EXOC4: variants seen among roughly 807,000 people sequenced by gnomAD.
The protein encoded by EXOC4 is exocyst complex component 4.
In EXOC4, 71 loss-of-function variants were observed where a neutral mutation model predicts 107.2. That is an observed-to-expected ratio of 0.66 (90% CI 0.55 to 0.81). The LOEUF (loss-of-function observed/expected upper bound fraction) is 0.81, where lower values mean the gene tolerates loss of function less well. EXOC4 is among the 30% of genes least tolerant of loss of function. The pLI is 0.00. For missense variants in EXOC4, 1,108 were observed against 1,189.6 expected, an observed-to-expected ratio of 0.93 and a Z score of 1.01; for synonymous variants, 456 against 441.2, an observed-to-expected ratio of 1.03 and a Z score of -0.42.
chr7:133,512,318 T>A (rs1347106882), intron 9 of EXOC4, among the ~76,000 whole-genome samples: 1 of 151,972 alleles, frequency 6.6e-6, no homozygotes, highest in Non-Finnish European at 1.5e-5. Flanking sequence ...TAATCCCAGC[T>A]GCTCGGGAAC....
intron 11 of EXOC4, among the ~76,000 whole-genome samples, chr7:133,871,823 G>A (rs1798757414): frequency 6.6e-6 from 1 of 152,130 alleles, no homozygotes; most frequent in African/African-American, 2.4e-5. Flanking sequence ...TCTGTAAAGT[G>A]GAGATAATAA....
intron 10 of EXOC4, among the ~76,000 whole-genome samples, chr7:133,652,955 A>G (rs910543837): frequency 5.3e-5 from 8 of 152,190 alleles, no homozygotes; most frequent in African/African-American, 1.9e-4. Context: ...AATCTTTAGG[A>G]CATAGGAATT....
chr7:133,273,758 C>G (rs1429429933), intron 1 of EXOC4, among the ~76,000 whole-genome samples: 1 of 152,114 alleles, frequency 6.6e-6, no homozygotes, highest in East Asian at 1.9e-4. Context: ...TTGCAAATAT[C>G]TAGAAGTGGA....
Position 133,895,731 on chromosome 7 carries a change from T to C in EXOC4, c.1867T>C (p.Tyr623His). The C allele has an allele frequency of 6.2e-7, 1 of 1,613,706 alleles. No individual in the cohort carries two copies. The highest frequency in any genetic ancestry group is 8.5e-7 in the Non-Finnish European group (1 of 1,179,790). ...GTACAAGGACACCTGCACTGCAGCT[T>C]ACAGGTAGAGCTTCTGTTAGGGGCT... ...QEYKDTCTAA[Y>H]RGIVQSEEKL... The change falls in exon 12 of 18, where the codon TAC (tyrosine) becomes CAC (histidine). Residue 623 changes from tyrosine (Y) to histidine (H), a missense_variant. Coordinates refer to ENST00000253861, the MANE Select transcript of EXOC4 (RefSeq NM_021807.4).
chr7:133,432,816 A>G (rs535450375), intron 7 of EXOC4, among the ~76,000 whole-genome samples: 7 of 152,320 alleles, frequency 4.6e-5, no homozygotes, highest in Admixed American at 1.3e-4. Context: ...TCTGCTGTCT[A>G]GCAGGCTATT....
rs115389530 is a variant in EXOC4, at chr7:133,908,609, A to T, written c.1872-8974A>T. ...CCTTCTGTGCCTCTGTATTTCGCCT[A>T]TCAAATGGAAGTAATAATAGTACCT... On this transcript the variant is annotated intron_variant, in intron 12 of 17. Coordinates refer to ENST00000253861, the MANE Select transcript of EXOC4 (RefSeq NM_021807.4). 5.1e-3 allele frequency among the ~76,000 whole-genome samples: 781 copies of T among 152,322 alleles called. 6 individuals are homozygous for T. The highest frequency in any genetic ancestry group is 0.018 in the African/African-American group (744 of 41,592).
At chr7:133,538,180 G>A (rs1318886923) in intron 9 of EXOC4, among the ~76,000 whole-genome samples, 1 of 152,094 alleles carries the variant, frequency 6.6e-6, no homozygotes, top group Non-Finnish European at 1.5e-5. Flanking sequence ...TTTCACTATG[G>A]TACAAGAATT....
chr7:133,786,288 G>A (rs892526150), intron 10 of EXOC4, among the ~76,000 whole-genome samples: 1 of 152,074 alleles, frequency 6.6e-6, no homozygotes. Flanking sequence ...CCCAGTTATC[G>A]CTAACTCCCA....
intron 10 of EXOC4, among the ~76,000 whole-genome samples, chr7:133,728,382 G>T (rs1304281993): frequency 6.6e-6 from 1 of 152,194 alleles, no homozygotes; most frequent in Admixed American, 6.5e-5. Flanking sequence ...TATTGATGTT[G>T]TCACATAATG....
At chr7:133,259,145 C>T (rs1453246284) in intron 1 of EXOC4, among the ~76,000 whole-genome samples, 1 of 151,194 alleles carries the variant, frequency 6.6e-6, no homozygotes, top group Non-Finnish European at 1.5e-5. Context: ...TATTGCTATA[C>T]AGTGTTCATA....
the EXOC4 span, among the ~76,000 whole-genome samples, chr7:134,088,863 T>G: frequency 6.6e-6 from 1 of 152,158 alleles, no homozygotes; most frequent in African/African-American, 2.4e-5. Context: ...ACAATAAGTT[T>G]TATTATATTT....
intron 3 of EXOC4, among the ~76,000 whole-genome samples, chr7:133,295,091 A>C (rs1020497287): frequency 6.6e-6 from 1 of 152,084 alleles, no homozygotes; most frequent in African/African-American, 2.4e-5. Flanking sequence ...TATTGTAGGA[A>C]ATGATATGAT....
At chr7:133,462,652 A>G (rs1323991692) in intron 7 of EXOC4, among the ~76,000 whole-genome samples, 3 of 152,132 alleles carry the variant, frequency 2.0e-5, no homozygotes, top group Non-Finnish European at 4.4e-5. Flanking sequence ...CACTTTCTTG[A>G]TCTCATACCC....
At chr7:134,001,718 G>T (rs1265300815) in intron 15 of EXOC4, among the ~76,000 whole-genome samples, 1 of 152,056 alleles carries the variant, frequency 6.6e-6, no homozygotes, top group Non-Finnish European at 1.5e-5. Context: ...TCCCCCTAAG[G>T]ATCCCTATGG....
chr7:133,322,327 C>T (rs779024163), intron 5 of EXOC4, among the ~76,000 whole-genome samples: 15 of 152,142 alleles, frequency 9.9e-5, no homozygotes, highest in African/African-American at 1.4e-4. Flanking sequence ...CCCAGGTTTT[C>T]TTCTAGGGTT....
chr7:133,695,334 A>G (rs576690730), intron 10 of EXOC4, among the ~76,000 whole-genome samples: 3 of 152,262 alleles, frequency 2.0e-5, no homozygotes, highest in East Asian at 1.9e-4. Context: ...TGATATTTCA[A>G]TGTGTGCATG....
At chr7:133,284,163 A>G (rs573656101) in intron 2 of EXOC4, among the ~76,000 whole-genome samples, 1 of 152,288 alleles carries the variant, frequency 6.6e-6, no homozygotes, top group African/African-American at 2.4e-5. Context: ...CAAAAGTGAG[A>G]AGTGAGCTGA....
the EXOC4 span, among the ~76,000 whole-genome samples, chr7:134,096,231 GT>G: frequency 6.6e-6 from 1 of 152,154 alleles, no homozygotes; most frequent in African/African-American, 2.4e-5. Context: ...AGCACAATGA[GT>G]TTTAATAAAA....
intron 5 of EXOC4, among the ~76,000 whole-genome samples, chr7:133,351,565 C>T (rs1043399915): frequency 8.6e-5 from 13 of 151,718 alleles, no homozygotes; most frequent in East Asian, 1.9e-4. Context: ...TCATTTGAGT[C>T]GTCTCTATTT....
Sources: gnomAD v4.1 joint callset for allele counts (sites outside exome capture counted in the v4.1 genomes callset) on GRCh38, gnomAD v4.1.1 for gene constraint, MANE v1.5 for transcripts, NCBI Gene and HGNC (gene_info 2026-07-23, HGNC 2026-07-21) for gene names.